TMIGD1: variants seen among roughly 807,000 people sequenced by gnomAD.
TMIGD1 encodes the protein transmembrane and immunoglobulin domain containing 1, also known as transmembrane and immunoglobulin domain-containing protein 1.
TMIGD1 carries 29 observed loss-of-function variants against 27.5 expected under a neutral mutation model. The observed-to-expected ratio is 1.05, with a 90% CI of 0.78 to 1.44. The LOEUF is 1.44. Among genes scored for constraint, TMIGD1 ranks in the 40% most tolerant of loss-of-function variants. The pLI is 0.00. For synonymous variants in TMIGD1, 109 were observed against 110.3 expected (o/e 0.99, Z 0.07); for missense variants, 334 against 310.6 (o/e 1.08, Z -0.57).
chr17:30,321,159 AC>A (rs900398959), intron 4 of TMIGD1, among the ~76,000 whole-genome samples: 1 of 138,532 alleles, frequency 7.2e-6, no homozygotes, highest in Non-Finnish European at 1.6e-5. Flanking sequence ...TGCCTGGCCA[AC>A]CCCTTTTTTT....
At position 30,324,885 on chromosome 17, in the gene TMIGD1, C is replaced by G. The variant is rs752527190; in HGVS notation, c.571G>C (p.Gly191Arg). Residue 191 changes from glycine (G) to arginine (R), a missense_variant, in exon 4 of 7, where the codon GGA becomes CGA. Physicochemically the swap from Gly to Arg is moderately radical, Grantham distance 125. Coordinates refer to ENST00000328886, the MANE Select transcript of TMIGD1 (RefSeq NM_206832.3). ...SITKVEKPDN[G>R]TYSCIAKSSL... ...GACTTTGCAATACAACTGTAGGTTC[C>G]GTTGTCAGGCTTCTCGACTTTGGTG... is the stretch of plus-strand genomic sequence containing the variant. 6.2e-7 allele frequency: 1 copy of G among 1,614,156 alleles called. No individual in the cohort carries two copies. The highest frequency in any genetic ancestry group is 8.5e-7 in the Non-Finnish European group (1 of 1,179,998).
intron 5 of TMIGD1, among the ~76,000 whole-genome samples, chr17:30,318,213 G>A (rs1033727634): frequency 3.9e-5 from 6 of 152,174 alleles, no homozygotes; most frequent in Non-Finnish European, 8.8e-5. Flanking sequence ...GTGTTCCAAG[G>A]AGAATGCCCC....
At chr17:30,317,339 C>G in intron 5 of TMIGD1, 106 bp from the exon 6 acceptor site, 2 of 1,214,960 alleles carry the variant, frequency 1.6e-6, no homozygotes, top group Non-Finnish European at 2.4e-6. Flanking sequence ...CTGTGCACAC[C>G]TCTGCACTGG....
intron 4 of TMIGD1, among the ~76,000 whole-genome samples, chr17:30,319,261 A>AAAAAAAAAAAAAAAAAAAATATATATAT: frequency 1.8e-3 from 122 of 68,778 alleles, no homozygotes; most frequent in African/African-American, 4.5e-3. Flanking sequence ...AAAAAAAAAA[A>AAAAAAAAAAAAAAAAAAAATATATATAT]ATATATATAT....
chr17:30,328,495 G>C (rs867018005), intron 3 of TMIGD1, among the ~76,000 whole-genome samples: 1 of 151,922 alleles, frequency 6.6e-6, no homozygotes, highest in African/African-American at 2.4e-5. Context: ...AAATGACAAA[G>C]GACTAATTTC....
At chr17:30,323,587 G>C (rs1015326074) in intron 4 of TMIGD1, among the ~76,000 whole-genome samples, 1 of 152,190 alleles carries the variant, frequency 6.6e-6, no homozygotes, top group African/African-American at 2.4e-5. Flanking sequence ...TGCTAAGCTA[G>C]CATCCTGATT....
chr17:30,332,620 C>T (rs1414530891), intron 1 of TMIGD1, among the ~76,000 whole-genome samples: 1 of 152,056 alleles, frequency 6.6e-6, no homozygotes, highest in Non-Finnish European at 1.5e-5. Flanking sequence ...ATGGTGTGTA[C>T]GTAGAAAAGC....
chr17:30,330,321 T>C (rs1909934107), intron 2 of TMIGD1, among the ~76,000 whole-genome samples: 1 of 152,042 alleles, frequency 6.6e-6, no homozygotes, highest in Non-Finnish European at 1.5e-5. Context: ...ATATATTGAA[T>C]ACACACACAC....
intron 4 of TMIGD1, among the ~76,000 whole-genome samples, chr17:30,322,843 C>A (rs552594129): frequency 1.3e-5 from 2 of 152,170 alleles, no homozygotes; most frequent in African/African-American, 4.8e-5. Flanking sequence ...ACTACCTTAC[C>A]CATTGGCTTG....
intron 4 of TMIGD1, among the ~76,000 whole-genome samples, chr17:30,324,586 A>G (rs532527470): frequency 2.0e-5 from 3 of 152,206 alleles, no homozygotes; most frequent in Non-Finnish European, 4.4e-5. Flanking sequence ...ATTTGGTTCT[A>G]AGAAAGGATT....
chr17:30,317,193 A>G lies in TMIGD1; in HGVS notation c.785T>C (p.Leu262Pro), dbSNP rs771039690. The G allele has an allele frequency of 1.2e-6, 2 of 1,614,054 alleles. No individual in the cohort carries two copies. The highest frequency in any genetic ancestry group is 2.2e-5 in the South Asian group (2 of 91,088). Residue 262 changes from leucine (L) to proline (P), a missense_variant and splice_region_variant, in exon 6 of 7, where the codon CTA becomes CCA. By Grantham distance (98) the Leu-to-Pro change is moderately conservative. Transcript: ENST00000328886. ...KDKDPHSETA[L>P] ...ACTGGTCCCGGCCTAGAGTACTTAC[A>G]GAGCTGTTTCACTGTGAGGGTCTTT...
intron 3 of TMIGD1, among the ~76,000 whole-genome samples, chr17:30,327,876 T>G (rs1430536001): frequency 6.6e-6 from 1 of 151,984 alleles, no homozygotes; most frequent in African/African-American, 2.4e-5. Flanking sequence ...AGAACCAGCT[T>G]TTCACCCAAC....
At chr17:30,321,154 G>C (rs1038948064) in intron 4 of TMIGD1, among the ~76,000 whole-genome samples, 10 of 151,404 alleles carry the variant, frequency 6.6e-5, no homozygotes, top group African/African-American at 1.9e-4. Context: ...CACCATGCCT[G>C]GCCAACCCCT....
Position 30,319,451 on chromosome 17 carries a change from A to AT in TMIGD1, c.641-539_641-538insA, listed in dbSNP as rs1020411876. On this transcript the variant is annotated intron_variant, in intron 4 of 6. Transcript: ENST00000328886. ...CTCCAAAAAAAAAAAAAAAAAAAAA[A>AT]GTCACAGAACTGGTAAATGGTAGAG... Among the ~76,000 whole-genome samples, 7 of 146,342 alleles carry AT rather than the reference A, an allele frequency of 4.8e-5. No individual in the cohort carries two copies. In the East Asian group the frequency reaches 1.4e-3, roughly 29 times the overall value.
At chr17:30,325,122 T>G in intron 3 of TMIGD1, 28 bp from the exon 4 acceptor site, 1 of 1,588,358 alleles carries the variant, frequency 6.3e-7, no homozygotes, top group East Asian at 2.2e-5. Flanking sequence ...TTAGATTTAA[T>G]TAGCAGATAA....
intron 3 of TMIGD1, among the ~76,000 whole-genome samples, chr17:30,325,784 A>G (rs1909755022): frequency 6.6e-6 from 1 of 152,130 alleles, no homozygotes; most frequent in South Asian, 2.1e-4. Context: ...TGCTCTAGAA[A>G]TAATGTCCTC....
At chr17:30,320,261 C>T (rs947682756) in intron 4 of TMIGD1, among the ~76,000 whole-genome samples, 7 of 152,026 alleles carry the variant, frequency 4.6e-5, no homozygotes, top group Admixed American at 2.0e-4. Context: ...TGGTCTCAAT[C>T]TCCTGACCTT....
At chr17:30,321,864 T>C (rs545060248) in intron 4 of TMIGD1, among the ~76,000 whole-genome samples, 4 of 152,178 alleles carry the variant, frequency 2.6e-5, no homozygotes, top group Non-Finnish European at 5.9e-5. Context: ...GGTCTCACTC[T>C]GTCACTCAGA....
Position 30,324,301 on chromosome 17 carries a change from TGG to T in TMIGD1, c.640+513_640+514del, listed in dbSNP as rs922270107. The stretch of plus-strand genomic sequence containing the variant: ...TCTGTCATTGTAGAGGTGATAACCC[TGG>T]GTAGATGAAGCATGAATCCAAGAGA... On this transcript the variant is annotated intron_variant, in intron 4 of 6. Transcript: ENST00000328886. Among the ~76,000 whole-genome samples the T allele has an allele frequency of 3.7e-4, 56 of 152,320 alleles. 1 individual carries two copies. The highest frequency in any genetic ancestry group is 1.3e-3 in the African/African-American group (52 of 41,590).
Sources: allele counts gnomAD v4.1 joint callset (sites outside exome capture counted in the v4.1 genomes callset), GRCh38; gene constraint gnomAD v4.1.1; transcripts MANE v1.5; gene names NCBI Gene and HGNC (gene_info 2026-07-23, HGNC 2026-07-21).